The following BNC2 variants were observed in gnomAD, a reference collection of about 807,000 sequenced individuals.
BNC2 encodes zinc finger protein basonuclin-2.
A neutral mutation model predicts 76.3 loss-of-function variants in BNC2; 20 were observed. That is an observed-to-expected ratio of 0.26 (90% CI 0.18 to 0.38). The LOEUF is 0.38. BNC2 is among the 10% of genes least tolerant of loss of function. The pLI, the probability that BNC2 is intolerant of heterozygous loss-of-function variation, is 1.00. For missense variants in BNC2, 1,382 were observed against 1,399.8 expected (o/e 0.99, Z 0.20); for synonymous variants, 582 against 514.8 (o/e 1.13, Z -1.77).
At chr9:16,451,284 T>C (rs1821334615) in intron 5 of BNC2, among the ~76,000 whole-genome samples, 2 of 151,992 alleles carry the variant, frequency 1.3e-5, no homozygotes, top group Non-Finnish European at 2.9e-5. Context: ...TCAATATAAA[T>C]GCCAAAAGGT....
intron 5 of BNC2, among the ~76,000 whole-genome samples, chr9:16,451,514 T>C (rs373365696): frequency 8.9e-4 from 135 of 152,242 alleles, no homozygotes; most frequent in African/African-American, 3.1e-3. Flanking sequence ...CAATATAGAC[T>C]CAACCTACAT....
chr9:16,463,291 A>ATTTTTTTT (rs1261254719), intron 5 of BNC2, among the ~76,000 whole-genome samples: 2 of 98,032 alleles, frequency 2.0e-5, no homozygotes, highest in African/African-American at 1.1e-4. Flanking sequence ...CAAGTATTAA[A>ATTTTTTTT]TTCTTTTTTT....
At chr9:16,710,073 G>T (rs990582267) in intron 3 of BNC2, among the ~76,000 whole-genome samples, 17 of 151,910 alleles carry the variant, frequency 1.1e-4, no homozygotes, top group Admixed American at 9.8e-4. Flanking sequence ...GTAAATGAAT[G>T]CTGATGAATG....
chr9:16,754,865 T>C (rs1433171113), intron 1 of BNC2, among the ~76,000 whole-genome samples: 1 of 152,170 alleles, frequency 6.6e-6, no homozygotes, highest in African/African-American at 2.4e-5. Flanking sequence ...GCCCCAGCCA[T>C]CTTGTTTTCA....
At chr9:16,714,432 G>A (rs1360918736) in intron 3 of BNC2, among the ~76,000 whole-genome samples, 1 of 152,182 alleles carries the variant, frequency 6.6e-6, no homozygotes, top group Non-Finnish European at 1.5e-5. Context: ...TCACAGCTGT[G>A]TTGATGCTGA....
chr9:16,547,551 T>A (rs530226609), intron 5 of BNC2, among the ~76,000 whole-genome samples: 1 of 152,330 alleles, frequency 6.6e-6, no homozygotes, highest in Non-Finnish European at 1.5e-5. Flanking sequence ...AATTGACTGA[T>A]TTTAAATTGT....
At chr9:16,665,834 G>A (rs1312814209) in intron 3 of BNC2, among the ~76,000 whole-genome samples, 2 of 152,064 alleles carry the variant, frequency 1.3e-5, no homozygotes, top group East Asian at 1.9e-4. Context: ...TAAACGATCT[G>A]TAAACAAATA....
intron 3 of BNC2, among the ~76,000 whole-genome samples, chr9:16,658,981 A>G (rs922720676): frequency 1.3e-5 from 2 of 152,242 alleles, no homozygotes; most frequent in Non-Finnish European, 2.9e-5. Flanking sequence ...ACCATTGATC[A>G]TCGCAACTGT....
chr9:16,448,852 A>T (rs1821281489), intron 5 of BNC2, among the ~76,000 whole-genome samples: 2 of 152,210 alleles, frequency 1.3e-5, no homozygotes, highest in Admixed American at 1.3e-4. Flanking sequence ...CTTTCCTTTG[A>T]TTGCTCAGAT....
At chr9:16,789,777 G>A (rs976682921) in intron 1 of BNC2, among the ~76,000 whole-genome samples, 5 of 152,148 alleles carry the variant, frequency 3.3e-5, no homozygotes, top group Admixed American at 2.0e-4. Context: ...TCTGAGAAAC[G>A]AACTACTATT....
intron 1 of BNC2, among the ~76,000 whole-genome samples, chr9:16,815,705 T>C (rs1818166419): frequency 6.6e-6 from 1 of 152,232 alleles, no homozygotes; most frequent in African/African-American, 2.4e-5. Context: ...ATATCTGTGC[T>C]TCCCACATCA....
At position 16,412,861 on chromosome 9, in the gene BNC2, A is replaced by C. The variant is rs1485417723; in HGVS notation, c.*6128T>G. The C allele has an allele frequency of 6.6e-6, 1 of 152,610 alleles. No individual in the cohort carries two copies. Among genetic ancestry groups the C allele is most frequent in the African/African-American group, 2.4e-5 (1 of 41,426 alleles). 9.5% of individuals were successfully genotyped at this position (152,610 alleles called of 1,614,324 possible). A position where few individuals can be genotyped will look rare whatever the true frequency, so the allele number is the denominator to read the frequency against. On this transcript the variant is annotated 3_prime_UTR_variant, in exon 7 of 7. Transcript: ENST00000380672. Reference sequence around the variant, plus strand: ...CTCCTTCACAAGGGGATAAACAGGCAATTACGCATCCTTTTATATTTGATG... The same window carrying C: ...CTCCTTCACAAGGGGATAAACAGGCCATTACGCATCCTTTTATATTTGATG...
intron 5 of BNC2, among the ~76,000 whole-genome samples, 181 bp downstream of exon 5, chr9:16,552,349 T>C (rs1255626191): frequency 2.0e-5 from 3 of 152,222 alleles, no homozygotes; most frequent in Admixed American, 6.5e-5. Flanking sequence ...TAATACAGCC[T>C]GAGGCCCGAT....
chr9:16,603,846 T>C (rs1820307234), intron 3 of BNC2, among the ~76,000 whole-genome samples: 1 of 150,694 alleles, frequency 6.6e-6, no homozygotes, highest in Non-Finnish European at 1.5e-5. Flanking sequence ...AGGTATATTT[T>C]CAAACCTCTC....
intron 5 of BNC2, among the ~76,000 whole-genome samples, chr9:16,528,096 G>A (rs1817867179): frequency 6.6e-6 from 1 of 152,170 alleles, no homozygotes; most frequent in African/African-American, 2.4e-5. Flanking sequence ...GAGCTGTGGG[G>A]TTAGAATGAC....
At chr9:16,713,061 A>G (rs1823895693) in intron 3 of BNC2, among the ~76,000 whole-genome samples, 2 of 152,212 alleles carry the variant, frequency 1.3e-5, no homozygotes, top group African/African-American at 4.8e-5. Flanking sequence ...GAGCAGGCCC[A>G]TCGTCCTCCC....
intron 1 of BNC2, among the ~76,000 whole-genome samples, chr9:16,858,955 A>G (rs909615965): frequency 1.3e-5 from 2 of 152,188 alleles, no homozygotes; most frequent in Admixed American, 1.3e-4. Context: ...TGTGTAAATC[A>G]TATTTCTGAT....
intron 3 of BNC2, among the ~76,000 whole-genome samples, chr9:16,686,263 TAATG>T (rs779243392): frequency 7.9e-5 from 12 of 152,166 alleles, no homozygotes; most frequent in Non-Finnish European, 1.6e-4. Context: ...GGTTAAAACT[TAATG>T]AATGTTTCTC....
intron 3 of BNC2, among the ~76,000 whole-genome samples, chr9:16,706,165 C>T (rs1264509937): frequency 1.3e-5 from 2 of 152,204 alleles, no homozygotes; most frequent in Admixed American, 6.6e-5. Flanking sequence ...TGCAAGTTAA[C>T]AGAGGTCATA....
Sources: gnomAD v4.1 joint callset for allele counts (sites outside exome capture counted in the v4.1 genomes callset) on GRCh38, gnomAD v4.1.1 for gene constraint, MANE v1.5 for transcripts, NCBI Gene and HGNC (gene_info 2026-07-23, HGNC 2026-07-21) for gene names.